The following RBFOX3 variants were observed in gnomAD, a reference collection of about 807,000 sequenced individuals.
RBFOX3 encodes the protein RNA binding protein fox-1 homolog 3.
In RBFOX3, 17 loss-of-function variants were observed where a neutral mutation model predicts 48.7. The observed-to-expected ratio is 0.35, with a 90% confidence interval of 0.24 to 0.52. The LOEUF is 0.52. RBFOX3 is among the 20% of genes least tolerant of loss of function. The pLI, the probability that RBFOX3 is intolerant of heterozygous loss-of-function variation, is 0.94. For synonymous variants in RBFOX3, 212 were observed against 209.5 expected (o/e 1.01, Z -0.10); for missense variants, 382 against 497.5 (o/e 0.77, Z 2.21).
rs552429043 is a variant in RBFOX3, at chr17:79,252,371, G to A, written c.-73-16566C>T. Among the ~76,000 whole-genome samples, 1 of 152,304 alleles carries A rather than the reference G, an allele frequency of 6.6e-6. No homozygotes were observed. Among genetic ancestry groups the A allele is most frequent in the African/African-American group, 2.4e-5 (1 of 41,560 alleles). On this transcript the variant is annotated intron_variant, in intron 3 of 14. Coordinates refer to ENST00000693108, the MANE Select transcript of RBFOX3 (RefSeq NM_001350451.2). The surrounding 1 kb of genome is among the most constrained non-coding windows in gnomAD (Gnocchi z 4.0). Reference sequence around the variant, plus strand: ...GTCTTCTCCCAGAAACCTGGTCCTAGCTCAGTGGTCCCTATTTCAGTGAAT... The same window carrying A: ...GTCTTCTCCCAGAAACCTGGTCCTAACTCAGTGGTCCCTATTTCAGTGAAT...
In RBFOX3 at chr17:79,356,373, T is replaced by TTGTTTTTG. The variant is rs762597632; in HGVS notation, c.-174-48550_-174-48549insCAAAAACA. Among the ~76,000 whole-genome samples, 304 of 89,050 alleles carry TTGTTTTTG rather than the reference T, an allele frequency of 3.4e-3. 13 individuals carry two copies. The highest frequency in any genetic ancestry group is 5.3e-3 in the Non-Finnish European group (239 of 44,908). 58.4% of individuals were successfully genotyped at this position (89,050 alleles called of 152,430 possible). A position where few individuals can be genotyped will look rare whatever the true frequency, so the allele number is the denominator to read the frequency against. ...GTTTTTTTTTTTTTTTTTTTTTTTT[T>TTGTTTTTG]TTTTTTTTTTTTTGAGGAGGAGTCT... On this transcript the variant is annotated intron_variant, in intron 2 of 14. Transcript: ENST00000693108.
intron 4 of RBFOX3, among the ~76,000 whole-genome samples, chr17:79,229,920 A>G (rs72846805): frequency 0.11 from 16,514 of 152,200 alleles, 1,147 homozygotes; most frequent in East Asian, 0.33. Context: ...ATGACATGGG[A>G]CGGCAGGTTT....
intron 4 of RBFOX3, among the ~76,000 whole-genome samples, chr17:79,192,844 T>C (rs1354515918): frequency 6.6e-6 from 1 of 152,186 alleles, no homozygotes; most frequent in Non-Finnish European, 1.5e-5. Context: ...TCCTCGCCTG[T>C]TGAGTTAGCC....
At chr17:79,395,074 G>T (rs2061827296) in intron 2 of RBFOX3, among the ~76,000 whole-genome samples, 1 of 152,246 alleles carries the variant, frequency 6.6e-6, no homozygotes, top group South Asian at 2.1e-4. Context: ...GACTGATGGG[G>T]ATCCAGGCCC....
intron 2 of RBFOX3, among the ~76,000 whole-genome samples, chr17:79,382,865 T>C (rs2060096981): frequency 6.6e-6 from 1 of 152,172 alleles, no homozygotes; most frequent in Non-Finnish European, 1.5e-5. Flanking sequence ...GAATGGGGCA[T>C]TTCCAGAACC....
At chr17:79,649,710 A>T in the RBFOX3 span, among the ~76,000 whole-genome samples, 1 of 152,148 alleles carries the variant, frequency 6.6e-6, no homozygotes, top group Admixed American at 6.5e-5. Flanking sequence ...CAAAAAAGAA[A>T]AAAAGAAATA....
At position 79,299,625 on chromosome 17, in the gene RBFOX3, A is replaced by G. The variant is rs1304782472; in HGVS notation, c.-74+8099T>C. ...ATCGTCAGATCGTGGGGTTTTTGGA[A>G]CTAACCCCCTGAGGATACCAACGGA... is the stretch of plus-strand genomic sequence containing the variant. On this transcript the variant is annotated intron_variant, in intron 3 of 14. Transcript: ENST00000693108. This position sits in a 1 kb window ranked among gnomAD's most constrained non-coding sequence, Gnocchi z 4.5. Among the ~76,000 whole-genome samples the G allele has an allele frequency of 6.6e-6, 1 of 152,142 alleles. No homozygotes were observed. Among genetic ancestry groups the G allele is most frequent in the Non-Finnish European group, 1.5e-5 (1 of 68,022 alleles).
intron 3 of RBFOX3, among the ~76,000 whole-genome samples, chr17:79,297,473 C>T (rs200150281): frequency 1.1e-4 from 17 of 152,122 alleles, no homozygotes; most frequent in East Asian, 1.9e-4. Context: ...GGCCATCCCC[C>T]GGTACCACTG....
the RBFOX3 span, among the ~76,000 whole-genome samples, chr17:79,618,252 A>G: frequency 2.0e-5 from 3 of 152,222 alleles, no homozygotes; most frequent in African/African-American, 7.2e-5. Context: ...CAATTTCTGC[A>G]GCCGGGGCAG....
At chr17:79,275,419 C>A (rs1016308910) in intron 3 of RBFOX3, among the ~76,000 whole-genome samples, 2 of 152,156 alleles carry the variant, frequency 1.3e-5, no homozygotes, top group Non-Finnish European at 1.5e-5. Flanking sequence ...TGAGCACTCA[C>A]GTGATCATGA....
chr17:79,123,487 G>A (rs1483018838), intron 4 of RBFOX3, among the ~76,000 whole-genome samples: 2 of 150,742 alleles, frequency 1.3e-5, no homozygotes, highest in Non-Finnish European at 2.9e-5. Context: ...CCCAGAACTA[G>A]TCAGGAGAAC....
chr17:79,246,867 G>GT (rs1301666885), intron 3 of RBFOX3, among the ~76,000 whole-genome samples: 17 of 152,148 alleles, frequency 1.1e-4, no homozygotes, highest in African/African-American at 4.1e-4. Flanking sequence ...TGGGATGGGG[G>GT]TGGGGGGAGA....
chr17:79,618,059 G>A, the RBFOX3 span, among the ~76,000 whole-genome samples: 320 of 152,320 alleles, frequency 2.1e-3, 1 homozygote, highest in African/African-American at 7.3e-3. Context: ...CTTGCACGCC[G>A]TCCGTCTCTC....
chr17:79,167,261 G>A (rs2048192298), intron 4 of RBFOX3, among the ~76,000 whole-genome samples: 1 of 152,084 alleles, frequency 6.6e-6, no homozygotes, highest in African/African-American at 2.4e-5. Flanking sequence ...GGCTCGGGGA[G>A]TGCTAGGCCC....
At chr17:79,177,578 G>A (rs1009972057) in intron 4 of RBFOX3, among the ~76,000 whole-genome samples, 9 of 152,182 alleles carry the variant, frequency 5.9e-5, no homozygotes, top group African/African-American at 2.2e-4. Flanking sequence ...GGAGAGCCAG[G>A]GGGCACACTG....
At chr17:79,148,500 C>A (rs962434218) in intron 4 of RBFOX3, among the ~76,000 whole-genome samples, 1 of 152,248 alleles carries the variant, frequency 6.6e-6, no homozygotes, top group African/African-American at 2.4e-5. Flanking sequence ...CACCCCACAC[C>A]CCCCCAGACC....
chr17:79,223,188 G>A (rs2059927481), intron 4 of RBFOX3, among the ~76,000 whole-genome samples: 1 of 152,188 alleles, frequency 6.6e-6, no homozygotes, highest in Non-Finnish European at 1.5e-5. Context: ...GAGTGCACAT[G>A]TGGCAACAGC....
chr17:79,502,565 C>T (rs1470801042), intron 1 of RBFOX3, among the ~76,000 whole-genome samples: 5 of 152,262 alleles, frequency 3.3e-5, no homozygotes, highest in African/African-American at 1.2e-4. Flanking sequence ...CATGATACAA[C>T]TGTGCAGTGA....
chr17:79,510,305 CACTTTAAAT>C (rs2083927061), intron 1 of RBFOX3, among the ~76,000 whole-genome samples: 1 of 152,226 alleles, frequency 6.6e-6, no homozygotes, highest in African/African-American at 2.4e-5. Flanking sequence ...GCCAAGCCCC[CACTTTAAAT>C]ACTTTGTACC....
Sources: gnomAD v4.1 joint callset for allele counts (sites outside exome capture counted in the v4.1 genomes callset) on GRCh38, gnomAD v4.1.1 for gene constraint, Gnocchi (gnomAD v3.1) non-coding constraint, MANE v1.5 for transcripts, NCBI Gene and HGNC (gene_info 2026-07-23, HGNC 2026-07-21) for gene names.